The following LRRC4C variants were observed in gnomAD, a reference collection of about 807,000 sequenced individuals.
The protein encoded by LRRC4C is leucine rich repeat containing 4C.
Under a neutral mutation model 33.6 loss-of-function variants are expected in LRRC4C, and 5 were observed. The ratio of observed to expected loss-of-function variants is 0.15; its 90% CI spans 0.08 to 0.31. LRRC4C has a LOEUF of 0.31. LRRC4C is among the 10% of genes least tolerant of loss of function. The probability of loss-of-function intolerance (pLI) is 1.00; values close to 1 mark genes in which losing one functional copy is unlikely to be tolerated. For synonymous variants in LRRC4C, 329 were observed against 302.0 expected (o/e 1.09, Z -0.93); for missense variants, 560 against 796.7 (o/e 0.70, Z 3.58).
intron 1 of LRRC4C, among the ~76,000 whole-genome samples, chr11:41,434,007 CTAAA>C (rs1176360320): frequency 6.6e-6 from 1 of 152,048 alleles, no homozygotes; most frequent in East Asian, 1.9e-4. Flanking sequence ...ATAGAACTTA[CTAAA>C]TATTGTCAGA....
chr11:40,855,580 A>T (rs1953739483), intron 2 of LRRC4C, among the ~76,000 whole-genome samples: 2 of 152,174 alleles, frequency 1.3e-5, no homozygotes, highest in Non-Finnish European at 2.9e-5. Context: ...GAAAAGTTTT[A>T]AAATCTCCAT....
At chr11:40,688,695 C>A (rs1310801665) in intron 2 of LRRC4C, among the ~76,000 whole-genome samples, 1 of 152,024 alleles carries the variant, frequency 6.6e-6, no homozygotes, top group African/African-American at 2.4e-5. Flanking sequence ...AAACTTTTTA[C>A]AAGAAATGAC....
At chr11:40,799,238 T>G (rs1950949034) in intron 2 of LRRC4C, among the ~76,000 whole-genome samples, 1 of 152,158 alleles carries the variant, frequency 6.6e-6, no homozygotes, top group South Asian at 2.1e-4. Flanking sequence ...CACAAGCAAT[T>G]CTCTAACCTT....
chr11:41,021,555 C>T (rs899062979), intron 1 of LRRC4C, among the ~76,000 whole-genome samples: 43 of 152,078 alleles, frequency 2.8e-4, no homozygotes, highest in African/African-American at 1.0e-3. Flanking sequence ...AAATTACCTA[C>T]TTTATAACGT....
chr11:40,633,371 T>TTCTTTCTCTCTCTCTC (rs745929705), intron 3 of LRRC4C, among the ~76,000 whole-genome samples: 3 of 96,302 alleles, frequency 3.1e-5, no homozygotes, highest in Non-Finnish European at 4.3e-5. Context: ...CTTTCTTTCT[T>TTCTTTCTCTCTCTCTC]TCTCTCTCTT....
intron 1 of LRRC4C, among the ~76,000 whole-genome samples, chr11:41,250,075 G>A (rs184780853): frequency 2.7e-3 from 405 of 152,056 alleles, no homozygotes; most frequent in Non-Finnish European, 4.8e-3. Flanking sequence ...AGGCTGAGGT[G>A]GGAGAATTGC....
At chr11:40,458,787 T>C (rs1207443681) in intron 3 of LRRC4C, among the ~76,000 whole-genome samples, 1 of 152,174 alleles carries the variant, frequency 6.6e-6, no homozygotes, top group Non-Finnish European at 1.5e-5. Context: ...CTCTTAAATG[T>C]TACTGTATTT....
At chr11:40,823,801 A>G (rs765639236) in intron 2 of LRRC4C, among the ~76,000 whole-genome samples, 3 of 151,818 alleles carry the variant, frequency 2.0e-5, no homozygotes, top group Non-Finnish European at 2.9e-5. Flanking sequence ...ACATAAACTT[A>G]CCCTATGACC....
At chr11:41,133,054 G>A (rs1458562616) in intron 1 of LRRC4C, among the ~76,000 whole-genome samples, 1 of 152,066 alleles carries the variant, frequency 6.6e-6, no homozygotes, top group African/African-American at 2.4e-5. Flanking sequence ...TAGGTAGCGA[G>A]GGCCTGAAAT....
chr11:40,545,652 A>C lies in LRRC4C; in HGVS notation c.-270+102490T>G, dbSNP rs1304765234. ...TTAAAGCACATATTAAGTATAAACAAGGATATACAGAAAAAACAACAGTTC... is the reference window on the plus strand; with the variant it reads ...TTAAAGCACATATTAAGTATAAACACGGATATACAGAAAAAACAACAGTTC... On this transcript the variant is annotated intron_variant, in intron 3 of 6. Transcript: ENST00000528697. Among the ~76,000 whole-genome samples, 5 of 151,998 alleles carry C rather than the reference A, an allele frequency of 3.3e-5. No homozygotes were observed. The East Asian group carries it at 9.6e-4, about 29-fold the overall frequency.
chr11:40,961,667 G>A (rs1850987300), intron 1 of LRRC4C, among the ~76,000 whole-genome samples: 1 of 151,666 alleles, frequency 6.6e-6, no homozygotes, highest in African/African-American at 2.4e-5. Flanking sequence ...CAGCACGAAA[G>A]TTCATCACAT....
chr11:40,291,773 T>C (rs994338256), intron 4 of LRRC4C, among the ~76,000 whole-genome samples: 1 of 152,322 alleles, frequency 6.6e-6, no homozygotes, highest in East Asian at 1.9e-4. Flanking sequence ...TGATCTGCAA[T>C]GTCAGGTTGG....
rs1958845822 is a variant in LRRC4C, at chr11:40,588,057, G to A, written c.-270+60085C>T. ...AATAGTTTCAGAAGGAATGGTACCA[G>A]TTCCTCCTTGTACCTCTGGTAGAAT... On this transcript the variant is annotated intron_variant, in intron 3 of 6. Transcript: ENST00000528697. 5.3e-5 allele frequency among the ~76,000 whole-genome samples: 8 copies of A among 151,956 alleles called. No individual in the cohort carries two copies. The South Asian group carries it at 1.7e-3, about 32-fold the overall frequency.
chr11:40,470,909 T>C (rs141851106), intron 3 of LRRC4C, among the ~76,000 whole-genome samples: 1 of 152,302 alleles, frequency 6.6e-6, no homozygotes, highest in East Asian at 1.9e-4. Context: ...CTACATTTGA[T>C]TGGTATACCT....
At chr11:41,290,384 G>A (rs1170527643) in intron 1 of LRRC4C, among the ~76,000 whole-genome samples, 1 of 152,178 alleles carries the variant, frequency 6.6e-6, no homozygotes, top group Non-Finnish European at 1.5e-5. Flanking sequence ...GATAATGTAA[G>A]CATGTTCCTA....
At chr11:41,297,199 A>G (rs1189101385) in intron 1 of LRRC4C, among the ~76,000 whole-genome samples, 3 of 152,000 alleles carry the variant, frequency 2.0e-5, no homozygotes, top group Non-Finnish European at 4.4e-5. Flanking sequence ...TAATTTGTGT[A>G]TTTTTCAAGC....
intron 1 of LRRC4C, among the ~76,000 whole-genome samples, chr11:41,447,057 A>G (rs993266099): frequency 1.3e-5 from 2 of 152,226 alleles, no homozygotes; most frequent in Non-Finnish European, 1.5e-5. Context: ...ATTATGCAGA[A>G]GATCTGGGCT....
At chr11:41,062,223 T>C (rs1937835124) in intron 1 of LRRC4C, among the ~76,000 whole-genome samples, 1 of 152,210 alleles carries the variant, frequency 6.6e-6, no homozygotes, top group Non-Finnish European at 1.5e-5. Flanking sequence ...CATTAGTTAT[T>C]TTTCCTTATC....
intron 2 of LRRC4C, among the ~76,000 whole-genome samples, chr11:40,732,502 T>A (rs1346032525): frequency 1.3e-5 from 2 of 152,180 alleles, no homozygotes; most frequent in Non-Finnish European, 2.9e-5. Flanking sequence ...GTTATTGAGT[T>A]TGCTCCTTTT....
Sources: gnomAD v4.1 joint callset for allele counts (sites outside exome capture counted in the v4.1 genomes callset) on GRCh38, gnomAD v4.1.1 for gene constraint, MANE v1.5 for transcripts, NCBI Gene and HGNC (gene_info 2026-07-23, HGNC 2026-07-21) for gene names.